The following CNTNAP5 variants were observed in gnomAD, a reference collection of about 807,000 sequenced individuals.
CNTNAP5 encodes the protein contactin-associated protein-like 5.
A neutral mutation model predicts 150.2 loss-of-function variants in CNTNAP5; 72 were observed. That is an observed-to-expected ratio of 0.48 (90% CI 0.40 to 0.58). CNTNAP5 has a LOEUF of 0.58. Ranked by LOEUF, CNTNAP5 falls within the 20% of genes least tolerant of loss-of-function variation. The pLI is 0.00. For missense variants in CNTNAP5, 1,636 were observed against 1,626.2 expected, an observed-to-expected ratio of 1.01 and a Z score of -0.10; for synonymous variants, 672 against 619.8, an observed-to-expected ratio of 1.08 and a Z score of -1.25.
At chr2:124,714,764 A>G (rs1382098658) in intron 13 of CNTNAP5, among the ~76,000 whole-genome samples, 2 of 151,896 alleles carry the variant, frequency 1.3e-5, no homozygotes, top group Non-Finnish European at 2.9e-5. Flanking sequence ...TACATATTAA[A>G]TATATAATCT....
intron 1 of CNTNAP5, among the ~76,000 whole-genome samples, chr2:124,151,147 A>C (rs1188421477): frequency 7.2e-5 from 11 of 152,142 alleles, no homozygotes; most frequent in African/African-American, 2.7e-4. Flanking sequence ...AAGGAGGTGC[A>C]CGTGTCCAAT....
At chr2:124,495,209 T>G (rs1694116852) in intron 7 of CNTNAP5, among the ~76,000 whole-genome samples, 1 of 152,170 alleles carries the variant, frequency 6.6e-6, no homozygotes, top group African/African-American at 2.4e-5. Flanking sequence ...AATATTTATA[T>G]AATTTCAGAC....
rs760394749 is a variant in CNTNAP5, at chr2:124,527,222, G to C, written c.1478-63G>C. ...TAGACCTCAAGGTCTTCCATCAATA[G>C]GTCGCCAAAGCAATGACGGATCATT... On this transcript the variant is annotated intron_variant, in intron 9 of 23. Coordinates refer to ENST00000682447, the MANE Select transcript of CNTNAP5 (RefSeq NM_001367498.1). 2.3e-4 allele frequency: 342 copies of C among 1,460,356 alleles called. 1 individual carries two copies. The highest frequency in any genetic ancestry group is 3.1e-4 in the Non-Finnish European group (326 of 1,060,226). 90.5% of individuals were successfully genotyped at this position (1,460,356 alleles called of 1,614,324 possible). A position where few individuals can be genotyped will look rare whatever the true frequency, so the allele number is the denominator to read the frequency against.
At chr2:124,713,333 T>C (rs796774721) in intron 13 of CNTNAP5, among the ~76,000 whole-genome samples, 1,413 of 89,368 alleles carry the variant, frequency 0.016, 109 homozygotes, top group East Asian at 0.026. Flanking sequence ...CTTTCTTTCT[T>C]TCTTTCTTTC....
chr2:124,122,233 T>C (rs1209430069), intron 1 of CNTNAP5, among the ~76,000 whole-genome samples: 1 of 152,158 alleles, frequency 6.6e-6, no homozygotes, highest in African/African-American at 2.4e-5. Flanking sequence ...AGAAATGAAA[T>C]AACTGTAACA....
intron 21 of CNTNAP5, among the ~76,000 whole-genome samples, chr2:124,895,038 TA>T (rs1678274290): frequency 1.3e-5 from 2 of 151,532 alleles, no homozygotes; most frequent in Non-Finnish European, 2.9e-5. Flanking sequence ...GAAACCCAAT[TA>T]AAAAGTGAAA....
intron 13 of CNTNAP5, among the ~76,000 whole-genome samples, chr2:124,725,328 G>GTA: frequency 6.6e-6 from 1 of 151,914 alleles, no homozygotes; most frequent in East Asian, 1.9e-4. Flanking sequence ...GACAAAAATT[G>GTA]TATATATATG....
chr2:124,647,457 A>C (rs189703472), intron 12 of CNTNAP5, among the ~76,000 whole-genome samples: 2 of 152,194 alleles, frequency 1.3e-5, no homozygotes, highest in African/African-American at 4.8e-5. Context: ...CATTTTTGAC[A>C]TAGCGGTATT....
rs148883982 is a variant in CNTNAP5 at position 124,358,113 on chromosome 2, T to C, written c.382-59330T>C. ...TCATGGTTTGGCTCTCTGTCTGTTGTTGGTGTATAAGAATGCTTGTGATTT... is the reference window on the plus strand; with the variant it reads ...TCATGGTTTGGCTCTCTGTCTGTTGCTGGTGTATAAGAATGCTTGTGATTT... On this transcript the variant is annotated intron_variant, in intron 3 of 23. Transcript: ENST00000682447. Among the ~76,000 whole-genome samples the C allele has an allele frequency of 5.2e-3, 784 of 152,224 alleles. 12 individuals are homozygous for C. Among genetic ancestry groups the C allele is most frequent in the African/African-American group, 0.018 (754 of 41,544 alleles).
chr2:124,501,326 G>T (rs1243161923), intron 7 of CNTNAP5, among the ~76,000 whole-genome samples: 1 of 152,194 alleles, frequency 6.6e-6, no homozygotes, highest in East Asian at 1.9e-4. Flanking sequence ...GAAAAATCTT[G>T]AATGAATGTT....
chr2:124,085,771 TAA>T (rs920750522), intron 1 of CNTNAP5, among the ~76,000 whole-genome samples: 14 of 152,260 alleles, frequency 9.2e-5, no homozygotes, highest in Non-Finnish European at 1.6e-4. Flanking sequence ...ATTTATTATT[TAA>T]AAGTGTGTCG....
chr2:124,550,260 C>T (rs1695598046), intron 10 of CNTNAP5, among the ~76,000 whole-genome samples: 2 of 152,156 alleles, frequency 1.3e-5, no homozygotes, highest in South Asian at 4.1e-4. Flanking sequence ...CAATTTGCAA[C>T]CCCTCTGAAC....
At chr2:124,713,337 T>C (rs200325645) in intron 13 of CNTNAP5, among the ~76,000 whole-genome samples, 1,430 of 95,856 alleles carry the variant, frequency 0.015, 113 homozygotes, top group East Asian at 0.025. Context: ...CTTTCTTTCT[T>C]TCTTTCTTTC....
intron 13 of CNTNAP5, among the ~76,000 whole-genome samples, chr2:124,731,324 C>T (rs1029650888): frequency 6.6e-6 from 1 of 152,020 alleles, no homozygotes; most frequent in Non-Finnish European, 1.5e-5. Flanking sequence ...AAGGTTCTTG[C>T]TGGCTCTTTT....
At chr2:124,759,938 C>CTTTTTT (rs571408475) in intron 14 of CNTNAP5, among the ~76,000 whole-genome samples, 7 of 83,648 alleles carry the variant, frequency 8.4e-5, no homozygotes, top group African/African-American at 2.3e-4. Flanking sequence ...ACTCCTCGGT[C>CTTTTTT]TTTTTTTTTT....
At chr2:124,637,864 A>AT (rs1678004335) in intron 12 of CNTNAP5, among the ~76,000 whole-genome samples, 1 of 151,656 alleles carries the variant, frequency 6.6e-6, no homozygotes, top group Non-Finnish European at 1.5e-5. Context: ...ATATTGGAGC[A>AT]TTTTCTTGTG....
intron 1 of CNTNAP5, among the ~76,000 whole-genome samples, chr2:124,056,632 C>T (rs1431710546): frequency 2.0e-5 from 3 of 151,874 alleles, no homozygotes; most frequent in African/African-American, 4.8e-5. Context: ...GGTGACAGAG[C>T]GAGACTCCAT....
chr2:124,263,374 T>C (rs1202010762), intron 3 of CNTNAP5, among the ~76,000 whole-genome samples: 2 of 152,222 alleles, frequency 1.3e-5, no homozygotes, highest in African/African-American at 4.8e-5. Context: ...CATTGTGGTT[T>C]TGATTTGCAT....
At chr2:124,357,793 C>T (rs1302681062) in intron 3 of CNTNAP5, among the ~76,000 whole-genome samples, 1 of 146,294 alleles carries the variant, frequency 6.8e-6, no homozygotes, top group Non-Finnish European at 1.5e-5. Flanking sequence ...GATGCGGGCT[C>T]TTTTTTGGTT....
Sources: allele counts gnomAD v4.1 joint callset (sites outside exome capture counted in the v4.1 genomes callset), GRCh38; gene constraint gnomAD v4.1.1; transcripts MANE v1.5; gene names NCBI Gene and HGNC (gene_info 2026-07-23, HGNC 2026-07-21).